Variants in DPP10 observed in about 807,000 individuals in gnomAD.
The protein encoded by DPP10 is dipeptidyl peptidase like 10, also known as inactive dipeptidyl peptidase 10.
In DPP10, 33 loss-of-function variants were observed where a neutral mutation model predicts 120.9. The observed-to-expected ratio is 0.27, with a 90% CI of 0.21 to 0.37. The LOEUF (loss-of-function observed/expected upper bound fraction) is 0.37. DPP10 is among the 10% of genes least tolerant of loss of function. The pLI is 1.00. For synonymous variants in DPP10, 337 were observed against 326.1 expected, an observed-to-expected ratio of 1.03 and a Z score of -0.36; for missense variants, 816 against 942.8, an observed-to-expected ratio of 0.87 and a Z score of 1.76.
chr2:114,977,899 G>C (rs757349952), intron 1 of DPP10, among the ~76,000 whole-genome samples: 1 of 149,192 alleles, frequency 6.7e-6, no homozygotes, highest in Non-Finnish European at 1.5e-5. Context: ...ATTTGCTGAT[G>C]GTGAATCTTA....
intron 1 of DPP10, among the ~76,000 whole-genome samples, chr2:115,178,719 C>T (rs572330632): frequency 6.6e-6 from 1 of 152,266 alleles, no homozygotes; most frequent in Admixed American, 6.5e-5. Context: ...GATATGTTGG[C>T]ATCCACTTCA....
At chr2:114,484,247 G>A (rs895613336) in intron 1 of DPP10, among the ~76,000 whole-genome samples, 1 of 152,106 alleles carries the variant, frequency 6.6e-6, no homozygotes, top group African/African-American at 2.4e-5. Context: ...CTAGACTTGC[G>A]AGACTTGCAA....
At chr2:115,081,478 T>C (rs756334454) in intron 1 of DPP10, among the ~76,000 whole-genome samples, 7 of 152,228 alleles carry the variant, frequency 4.6e-5, no homozygotes, top group Non-Finnish European at 7.3e-5. Flanking sequence ...CTATGTCTGT[T>C]TCTATGGTTC....
At chr2:115,206,626 A>T (rs1350592462) in intron 1 of DPP10, among the ~76,000 whole-genome samples, 1 of 152,232 alleles carries the variant, frequency 6.6e-6, no homozygotes, top group Non-Finnish European at 1.5e-5. Context: ...TAAATGAGTA[A>T]CATGGAAAAT....
chr2:115,740,684 G>T (rs555530275), intron 9 of DPP10, among the ~76,000 whole-genome samples: 1 of 152,188 alleles, frequency 6.6e-6, no homozygotes, highest in Admixed American at 6.5e-5. Flanking sequence ...CTATAAGAGG[G>T]TTGCAAAAAC....
At chr2:114,853,881 G>C (rs1226684593) in intron 1 of DPP10, among the ~76,000 whole-genome samples, 6 of 152,232 alleles carry the variant, frequency 3.9e-5, no homozygotes, top group Non-Finnish European at 7.4e-5. Context: ...CTGAGCTTGC[G>C]AGCAGATTTC....
intron 3 of DPP10, among the ~76,000 whole-genome samples, chr2:115,390,496 T>C (rs2106537972): frequency 6.6e-6 from 1 of 152,018 alleles, no homozygotes; most frequent in African/African-American, 2.4e-5. Context: ...CATCTTGCTC[T>C]TTTTTTTATT....
chr2:115,617,718 CT>C (rs1392512955), intron 5 of DPP10, among the ~76,000 whole-genome samples: 1 of 151,994 alleles, frequency 6.6e-6, no homozygotes, highest in Non-Finnish European at 1.5e-5. Context: ...TGTAAGTACA[CT>C]CTATGATGTT....
intron 1 of DPP10, among the ~76,000 whole-genome samples, chr2:114,989,619 A>G (rs1055841065): frequency 3.3e-5 from 5 of 152,230 alleles, no homozygotes; most frequent in African/African-American, 1.2e-4. Flanking sequence ...GGTATAGAGA[A>G]TCTATTTTAG....
chr2:115,130,544 T>C (rs538760219), intron 1 of DPP10, among the ~76,000 whole-genome samples: 5 of 130,718 alleles, frequency 3.8e-5, no homozygotes, highest in South Asian at 2.2e-4. Flanking sequence ...ATCCATCCAT[T>C]CATCTTCAGC....
chr2:115,723,628 T>TG (rs996674600), intron 7 of DPP10, among the ~76,000 whole-genome samples: 16 of 151,412 alleles, frequency 1.1e-4, no homozygotes, highest in Non-Finnish European at 1.6e-4. Flanking sequence ...TTTTGTTTTT[T>TG]TTTTTTTTTA....
At chr2:115,482,136 T>G (rs1254554657) in intron 3 of DPP10, among the ~76,000 whole-genome samples, 1 of 152,008 alleles carries the variant, frequency 6.6e-6, no homozygotes, top group Non-Finnish European at 1.5e-5. Flanking sequence ...CTCAGTTGTT[T>G]CCGTTTTGGT....
At chr2:114,517,727 G>T (rs1413890400) in intron 1 of DPP10, among the ~76,000 whole-genome samples, 1 of 152,176 alleles carries the variant, frequency 6.6e-6, no homozygotes, top group Non-Finnish European at 1.5e-5. Context: ...TCAGATACAT[G>T]AAGAATCTGA....
intron 2 of DPP10, among the ~76,000 whole-genome samples, chr2:115,331,533 C>T (rs920175871): frequency 1.3e-5 from 2 of 152,118 alleles, no homozygotes; most frequent in African/African-American, 4.8e-5. Flanking sequence ...AGTTTTTGCC[C>T]ATTCAGTATG....
At chr2:115,077,162 C>T (rs1299959568) in intron 1 of DPP10, among the ~76,000 whole-genome samples, 1 of 152,048 alleles carries the variant, frequency 6.6e-6, no homozygotes, top group Non-Finnish European at 1.5e-5. Context: ...ATGGAATGGG[C>T]CAAGTGCTAT....
chr2:115,582,303 C>T (rs1376033543), intron 5 of DPP10, among the ~76,000 whole-genome samples: 1 of 152,004 alleles, frequency 6.6e-6, no homozygotes, highest in East Asian at 1.9e-4. Flanking sequence ...CCTTACCAGT[C>T]GAGTGCTGCA....
chr2:115,114,244 A>G (rs12612601), intron 1 of DPP10, among the ~76,000 whole-genome samples: 31,342 of 152,130 alleles, frequency 0.21, 3,969 homozygotes, highest in East Asian at 0.36. Flanking sequence ...CCCCCAGTCC[A>G]TGTGTATGCC....
chr2:115,374,458 G>C (rs1339349124), intron 3 of DPP10, among the ~76,000 whole-genome samples: 2 of 152,172 alleles, frequency 1.3e-5, no homozygotes, highest in African/African-American at 4.8e-5. Context: ...GCTTTTCCAG[G>C]TGCATGGTGC....
intron 1 of DPP10, among the ~76,000 whole-genome samples, chr2:114,771,289 TTCAC>T (rs1394996996): frequency 6.6e-6 from 1 of 152,182 alleles, no homozygotes; most frequent in African/African-American, 2.4e-5. Flanking sequence ...TGCAGGGCTA[TTCAC>T]TGTGGCCGTA....
Sources: allele counts gnomAD v4.1 joint callset (sites outside exome capture counted in the v4.1 genomes callset), GRCh38; gene constraint gnomAD v4.1.1; transcripts MANE v1.5; gene names NCBI Gene and HGNC (gene_info 2026-07-23, HGNC 2026-07-21).